The following CFDP1 variants were observed in gnomAD, a reference collection of about 807,000 sequenced individuals.
CFDP1 encodes the protein chromatin remodeling protein CFDP1.
A neutral mutation model predicts 40.1 loss-of-function variants in CFDP1; 31 were observed. The ratio of observed to expected loss-of-function variants is 0.77; its 90% CI spans 0.58 to 1.04. The LOEUF (loss-of-function observed/expected upper bound fraction) is 1.04. Among genes scored for constraint, CFDP1 ranks in the 50% least tolerant of loss-of-function variants. The pLI is 0.00. For synonymous variants in CFDP1, 167 were observed against 120.0 expected (o/e 1.39, Z -2.56); for missense variants, 423 against 343.4 (o/e 1.23, Z -1.83).
At chr16:75,305,213 G>A in intron 5 of CFDP1, 31 bp from the exon 6 acceptor site, 2 of 1,607,950 alleles carry the variant, frequency 1.2e-6, no homozygotes, top group Non-Finnish European at 1.7e-6. Flanking sequence ...AGATGTAGCA[G>A]GTAAAAACTC....
At chr16:75,405,911 C>T (rs1280758120) in intron 4 of CFDP1, among the ~76,000 whole-genome samples, 1 of 150,570 alleles carries the variant, frequency 6.6e-6, no homozygotes, top group Non-Finnish European at 1.5e-5. Flanking sequence ...AGAGCAAAAC[C>T]CCGTCTCCAA....
intron 1 of CFDP1, among the ~76,000 whole-genome samples, chr16:75,428,510 G>T (rs184437276): frequency 6.6e-6 from 1 of 151,778 alleles, no homozygotes; most frequent in East Asian, 1.9e-4. Context: ...CCAGCTACTC[G>T]AGAGGCTGAG....
chr16:75,374,059 C>A (rs2078773368), intron 5 of CFDP1, among the ~76,000 whole-genome samples: 1 of 151,888 alleles, frequency 6.6e-6, no homozygotes, highest in Admixed American at 6.6e-5. Flanking sequence ...TCAAGACAAG[C>A]CTGGCCAACA....
chr16:75,422,025 T>C (rs760859525), intron 1 of CFDP1, among the ~76,000 whole-genome samples: 2 of 152,206 alleles, frequency 1.3e-5, no homozygotes, highest in African/African-American at 2.4e-5. Flanking sequence ...TAGGAAATAA[T>C]GACAAGGAAA....
chr16:75,386,102 GT>G, intron 5 of CFDP1, among the ~76,000 whole-genome samples: 1 of 152,010 alleles, frequency 6.6e-6, no homozygotes, highest in East Asian at 1.9e-4. Context: ...AAACCTGCAT[GT>G]TCTGCACATG....
At chr16:75,304,314 C>T (rs1054990567) in intron 6 of CFDP1, among the ~76,000 whole-genome samples, 2 of 152,110 alleles carry the variant, frequency 1.3e-5, no homozygotes, top group South Asian at 2.1e-4. Context: ...GTGATCTGCC[C>T]GCCTCGGCCT....
At chr16:75,426,205 C>G (rs954360966) in intron 1 of CFDP1, among the ~76,000 whole-genome samples, 14 of 151,664 alleles carry the variant, frequency 9.2e-5, no homozygotes, top group African/African-American at 3.4e-4. Flanking sequence ...ACAAAATTAG[C>G]CAGGCGTGGT....
intron 5 of CFDP1, among the ~76,000 whole-genome samples, chr16:75,381,610 C>T (rs1055494026): frequency 2.4e-4 from 37 of 152,104 alleles, no homozygotes; most frequent in African/African-American, 8.9e-4. Context: ...TGGAAAGAAG[C>T]CTCAGATTTC....
chr16:75,358,235 C>T (rs909991930), intron 5 of CFDP1, among the ~76,000 whole-genome samples: 4 of 151,874 alleles, frequency 2.6e-5, no homozygotes, highest in Admixed American at 6.5e-5. Flanking sequence ...TAAAATGGCA[C>T]GGGTAGATAT....
chr16:75,368,143 C>T (rs529343368), intron 5 of CFDP1, among the ~76,000 whole-genome samples: 2 of 152,138 alleles, frequency 1.3e-5, no homozygotes, highest in Admixed American at 6.5e-5. Context: ...ATATGTGGAC[C>T]TTGTTTACAT....
chr16:75,421,385 T>G (rs1396617770), intron 1 of CFDP1, among the ~76,000 whole-genome samples: 1 of 152,126 alleles, frequency 6.6e-6, no homozygotes, highest in Non-Finnish European at 1.5e-5. Context: ...CAGTAAGAGA[T>G]AAGAAAATTT....
intron 5 of CFDP1, among the ~76,000 whole-genome samples, chr16:75,359,281 AGCGTAAAGAGGTC>A (rs1451042167): frequency 6.6e-6 from 1 of 152,224 alleles, no homozygotes; most frequent in Non-Finnish European, 1.5e-5. Flanking sequence ...AATTTTGAAG[AGCGTAAAGAGGTC>A]CTGAGAACAA....
intron 1 of CFDP1, among the ~76,000 whole-genome samples, chr16:75,420,029 CA>C (rs2079259394): frequency 7.1e-6 from 1 of 140,122 alleles, no homozygotes; most frequent in African/African-American, 2.7e-5. Context: ...TTTCAGGTAA[CA>C]GGTAGTCTCA....
intron 5 of CFDP1, among the ~76,000 whole-genome samples, chr16:75,390,653 G>C (rs2078940606): frequency 6.6e-6 from 1 of 152,196 alleles, no homozygotes; most frequent in Admixed American, 6.5e-5. Flanking sequence ...TCTTTAATAA[G>C]CCTCAGAGGG....
Position 75,412,579 on chromosome 16 carries a change from CATT to C in CFDP1, c.355_357del (p.Asn119del). 1 of 1,614,168 alleles carries C rather than the reference CATT, an allele frequency of 6.2e-7. No homozygotes were observed. The highest frequency in any genetic ancestry group is 8.5e-7 in the Non-Finnish European group (1 of 1,180,020). The stretch of plus-strand genomic sequence containing the variant: ...GGCACTTTTGATTTTGGTCCCACAT[CATT>C]GAGGAAGCTGGCCCAGAGTTCGTCC... On this transcript the variant is annotated inframe_deletion, in exon 3 of 7. Coordinates refer to ENST00000283882, the MANE Select transcript of CFDP1 (RefSeq NM_006324.3).
intron 6 of CFDP1, among the ~76,000 whole-genome samples, chr16:75,296,444 C>G (rs1388155846): frequency 2.7e-5 from 4 of 149,050 alleles, no homozygotes; most frequent in Admixed American, 2.1e-4. Flanking sequence ...TCCATGTTGC[C>G]CATGCTGGTC....
At chr16:75,308,601 G>A (rs1228729131) in intron 5 of CFDP1, among the ~76,000 whole-genome samples, 1 of 152,202 alleles carries the variant, frequency 6.6e-6, no homozygotes, top group African/African-American at 2.4e-5. Context: ...ATTCATGGAA[G>A]AGAATCAGAT....
chr16:75,406,952 C>T (rs565118910), intron 4 of CFDP1, among the ~76,000 whole-genome samples: 180 of 152,206 alleles, frequency 1.2e-3, no homozygotes, highest in Non-Finnish European at 2.2e-3. Flanking sequence ...ACCTGGGAGG[C>T]GGAGGTTGCA....
chr16:75,355,704 A>T (rs1484415753), intron 5 of CFDP1, among the ~76,000 whole-genome samples: 1 of 152,170 alleles, frequency 6.6e-6, no homozygotes, highest in African/African-American at 2.4e-5. Context: ...TGTTCTCATG[A>T]TAATGAGTGA....
Sources: allele counts gnomAD v4.1 joint callset (sites outside exome capture counted in the v4.1 genomes callset), GRCh38; gene constraint gnomAD v4.1.1; transcripts MANE v1.5; gene names NCBI Gene and HGNC (gene_info 2026-07-23, HGNC 2026-07-21).